Variants in NOM1 observed in about 807,000 individuals in gnomAD.
NOM1 encodes nucleolar MIF4G domain-containing protein 1.
In NOM1, 58 loss-of-function variants were observed where a neutral mutation model predicts 73.3. The observed-to-expected ratio is 0.79, with a 90% CI of 0.64 to 0.99. The LOEUF is 0.99. Ranked by LOEUF, NOM1 falls within the 50% of genes least tolerant of loss-of-function variation. The pLI is 0.00. For missense variants in NOM1, 1,226 were observed against 1,131.9 expected (o/e 1.08, Z -1.19); for synonymous variants, 487 against 446.8 (o/e 1.09, Z -1.14).
chr7:156,971,086 A>G lies in NOM1; in HGVS notation c.*1383A>G, dbSNP rs1471337831. Reference sequence around the variant, plus strand: ...TGGAAAACTGATTCTGGGAGGAAGCAGAAATGTCCCTAGATAACAGCATGT... The same window carrying G: ...TGGAAAACTGATTCTGGGAGGAAGCGGAAATGTCCCTAGATAACAGCATGT... On this transcript the variant is annotated 3_prime_UTR_variant, in exon 11 of 11. Coordinates refer to ENST00000275820, the MANE Select transcript of NOM1 (RefSeq NM_138400.2). 1 of 152,264 alleles carries G rather than the reference A, an allele frequency of 6.6e-6. No homozygotes were observed. Among genetic ancestry groups the G allele is most frequent in the Non-Finnish European group, 1.5e-5 (1 of 68,044 alleles). 9.4% of individuals were successfully genotyped at this position (152,264 alleles called of 1,614,324 possible).
At position 156,949,746 on chromosome 7, in the gene NOM1, G is replaced by T; in HGVS notation, c.9G>T (p.Ala3=). ...TCCACGCGTTTCGAAAGATGGCGGC[G>T]TCCAGGAGCGCGGGAGAGGCCGGCC... MA[A]SRSAGEAGPG... is the part of the protein sequence containing the mutation. The change falls in exon 1 of 11, where the codon GCG becomes GCT. Residue 3 remains alanine (A), a synonymous_variant. Coordinates refer to ENST00000275820, the MANE Select transcript of NOM1 (RefSeq NM_138400.2). 1 of 1,381,864 alleles carries T rather than the reference G, an allele frequency of 7.2e-7. No homozygotes were observed. 85.6% of individuals were successfully genotyped at this position (1,381,864 alleles called of 1,614,324 possible). A position where few individuals can be genotyped will look rare whatever the true frequency, so the allele number is the denominator to read the frequency against.
chr7:156,959,907 CG>C lies in NOM1; in HGVS notation c.1367del (p.Gly456GlufsTer32), dbSNP rs1804820680. Reference sequence around the variant, plus strand: ...GGAAGTTCGATGCCATCTATAAATACGGAAGCGAAGGGAAAGAGTGTGACAA... The same window carrying C: ...GGAAGTTCGATGCCATCTATAAATACGAAGCGAAGGGAAAGAGTGTGACAA... ...VRKFDAIYKY[G>X]SEGKECDNLF... On this transcript the variant is annotated frameshift_variant, in exon 4 of 11. Coordinates refer to ENST00000275820, the MANE Select transcript of NOM1 (RefSeq NM_138400.2). LOFTEE classifies it high-confidence loss of function. 6.2e-7 allele frequency: 1 copy of C among 1,614,028 alleles called. No homozygotes were observed. Among genetic ancestry groups the C allele is most frequent in the South Asian group, 1.1e-5 (1 of 91,084 alleles).
intron 4 of NOM1, among the ~76,000 whole-genome samples, chr7:156,961,286 G>A (rs1205234643): frequency 1.3e-5 from 2 of 152,182 alleles, no homozygotes; most frequent in African/African-American, 2.4e-5. Flanking sequence ...GTGGGATGCT[G>A]AGGACCAGCA....
At position 156,972,012 on chromosome 7, in the gene NOM1, CAG is replaced by C. The variant is rs1805151434; in HGVS notation, c.*2311_*2312del. ...TTGCTGGGTGGTGATTGGGATGTAA[CAG>C]ATCAGTTCTACTGGACTTGTAGCTT... On this transcript the variant is annotated 3_prime_UTR_variant, in exon 11 of 11. Coordinates refer to ENST00000275820, the MANE Select transcript of NOM1 (RefSeq NM_138400.2). 6.6e-6 allele frequency: 1 copy of C among 152,338 alleles called. No homozygotes were observed. The highest frequency in any genetic ancestry group is 2.1e-4 in the South Asian group (1 of 4,828). The allele number at this position is 152,338 out of a possible 1,614,324, so 9.4% of individuals were successfully genotyped here.
intron 3 of NOM1, among the ~76,000 whole-genome samples, chr7:156,956,094 G>A (rs1299060726): frequency 6.6e-6 from 1 of 152,060 alleles, no homozygotes; most frequent in Non-Finnish European, 1.5e-5. Flanking sequence ...TCCGGAGACT[G>A]AGGCAGGAGA....
chr7:156,963,768 C>A, intron 6 of NOM1, 137 bp from the exon 7 acceptor site: 1 of 954,960 alleles, frequency 1.0e-6, no homozygotes, highest in Non-Finnish European at 1.5e-6. Flanking sequence ...GGGCGTTGCC[C>A]GAGAGTGGAC....
chr7:156,954,332 G>T, intron 3 of NOM1, 34 bp downstream of exon 3: 1 of 1,514,470 alleles, frequency 6.6e-7, no homozygotes, highest in Non-Finnish European at 8.9e-7. Flanking sequence ...GCTGTCACTA[G>T]TGTCTCATGG....
At chr7:156,951,365 C>A (rs989738384) in intron 1 of NOM1, among the ~76,000 whole-genome samples, 2 of 151,786 alleles carry the variant, frequency 1.3e-5, no homozygotes, top group Non-Finnish European at 2.9e-5. Context: ...CTAGCCTGGG[C>A]GAGAGAGCCA....
chr7:156,960,757 T>C (rs1804844340), intron 4 of NOM1, among the ~76,000 whole-genome samples: 1 of 152,194 alleles, frequency 6.6e-6, no homozygotes, highest in Admixed American at 6.5e-5. Context: ...AGCAGGTGAA[T>C]GACAGGTTGG....
intron 1 of NOM1, among the ~76,000 whole-genome samples, chr7:156,951,948 C>T (rs1343960169): frequency 6.6e-6 from 1 of 152,096 alleles, no homozygotes; most frequent in Non-Finnish European, 1.5e-5. Context: ...CCTCGTGATC[C>T]GCCCGCCTCA....
At chr7:156,968,598 A>C (rs1425036161) in intron 9 of NOM1, among the ~76,000 whole-genome samples, 1 of 151,382 alleles carries the variant, frequency 6.6e-6, no homozygotes, top group Non-Finnish European at 1.5e-5. Flanking sequence ...TTATATACTT[A>C]CTTATCCTAC....
chr7:156,949,714 T>C lies in NOM1; in HGVS notation c.-24T>C, dbSNP rs777900253. On this transcript the variant is annotated 5_prime_UTR_variant, in exon 1 of 11. Coordinates refer to ENST00000275820, the MANE Select transcript of NOM1 (RefSeq NM_138400.2). ...CCGGAAGTCCCGCCTCGGCCGGAAG[T>C]CGTGCGTCCACGCGTTTCGAAAGAT... The C allele has an allele frequency of 1.0e-4, 130 of 1,303,548 alleles. No homozygotes were observed. In the African/African-American group the frequency reaches 1.8e-3, roughly 18 times the overall value. The allele number at this position is 1,303,548 out of a possible 1,614,324, so 80.7% of individuals were successfully genotyped here.
chr7:156,960,059 T>TG lies in NOM1; in HGVS notation c.1518dup (p.Lys507GlufsTer11). ...GATATTGAACTGATCTTGTTAATGC[T>TG]GAAAAACGTGGGTTTTTCATTGAGG... On this transcript the variant is annotated frameshift_variant, in exon 4 of 11. Transcript: ENST00000275820. LOFTEE classifies it high-confidence loss of function. 2 of 1,614,178 alleles carry TG rather than the reference T, an allele frequency of 1.2e-6. No homozygotes were observed. Among genetic ancestry groups the TG allele is most frequent in the Non-Finnish European group, 1.7e-6 (2 of 1,180,038 alleles).
intron 1 of NOM1, among the ~76,000 whole-genome samples, chr7:156,950,978 T>A (rs772621185): frequency 5.3e-5 from 8 of 152,236 alleles, no homozygotes; most frequent in Admixed American, 2.0e-4. Flanking sequence ...CAGTGCAGCA[T>A]CTTCATTCTG....
intron 7 of NOM1, chr7:156,966,015 C>T: frequency 3.9e-6 from 2 of 513,692 alleles, no homozygotes; most frequent in Non-Finnish European, 6.9e-6. Context: ...CAGCTGTCGA[C>T]TTTTGCAGCG....
intron 3 of NOM1, among the ~76,000 whole-genome samples, chr7:156,959,117 T>C (rs976111782): frequency 1.4e-4 from 21 of 152,316 alleles, no homozygotes; most frequent in African/African-American, 5.1e-4. Context: ...TTTTTTTTTT[T>C]TTTTACACAG....
At chr7:156,956,017 C>T (rs371254561) in intron 3 of NOM1, among the ~76,000 whole-genome samples, 10 of 151,940 alleles carry the variant, frequency 6.6e-5, no homozygotes, top group South Asian at 6.3e-4. Context: ...GGTGAAACCC[C>T]GTCTCTACTA....
intron 1 of NOM1, among the ~76,000 whole-genome samples, chr7:156,951,374 C>G (rs11773860): frequency 0.27 from 40,857 of 151,802 alleles, 5,704 homozygotes; most frequent in East Asian, 0.47. Flanking sequence ...GCGAGAGAGC[C>G]AGACTCTGTT....
In NOM1 at chr7:156,950,704, G is replaced by A. The variant is rs983588688; in HGVS notation, c.967G>A (p.Asp323Asn). 4 of 1,551,416 alleles carry A rather than the reference G, an allele frequency of 2.6e-6. No individual in the cohort carries two copies. Among genetic ancestry groups the A allele is most frequent in the Admixed American group, 2.0e-5 (1 of 50,966 alleles). ...AGAAAAGAGTGAAAATTCCTCGGAG[G>A]ACGGTGACATAACGGATAAGGTATC... The part of the protein sequence containing the change: ...DEEKSENSSE[D>N]GDITDKSLCG... Residue 323 changes from aspartate (D) to asparagine (N), a missense_variant, in exon 1 of 11, where the codon GAC becomes AAC. Coordinates refer to ENST00000275820, the MANE Select transcript of NOM1 (RefSeq NM_138400.2).
Sources: allele counts gnomAD v4.1 joint callset (sites outside exome capture counted in the v4.1 genomes callset), GRCh38; gene constraint gnomAD v4.1.1; transcripts MANE v1.5; gene names NCBI Gene and HGNC (gene_info 2026-07-23, HGNC 2026-07-21).